Variants in PRKCQ observed in about 807,000 individuals in gnomAD.
PRKCQ encodes the protein protein kinase C theta type.
A neutral mutation model predicts 91.2 loss-of-function variants in PRKCQ; 41 were observed. That is an observed-to-expected ratio of 0.45 (90% CI 0.35 to 0.58). The LOEUF is 0.58. PRKCQ is among the 20% of genes least tolerant of loss of function. PRKCQ has a pLI of 0.00. For synonymous variants in PRKCQ, 307 were observed against 316.9 expected, an observed-to-expected ratio of 0.97 and a Z score of 0.33; for missense variants, 673 against 896.5, an observed-to-expected ratio of 0.75 and a Z score of 3.18.
At chr10:6,503,924 G>A (rs918699814) in intron 4 of PRKCQ, among the ~76,000 whole-genome samples, 1 of 152,042 alleles carries the variant, frequency 6.6e-6, no homozygotes, top group Non-Finnish European at 1.5e-5. Flanking sequence ...CTACAGGCAT[G>A]TGCCACCATA....
chr10:6,463,712 G>T (rs1462815701), intron 13 of PRKCQ, among the ~76,000 whole-genome samples: 1 of 152,210 alleles, frequency 6.6e-6, no homozygotes, highest in East Asian at 1.9e-4. Context: ...GAGCCCAGTG[G>T]CAGAGCTTTC....
chr10:6,499,738 C>T (rs1837801695), intron 4 of PRKCQ, among the ~76,000 whole-genome samples: 1 of 152,200 alleles, frequency 6.6e-6, no homozygotes, highest in Admixed American at 6.5e-5. Context: ...AATATTCAAA[C>T]TAAATTTCTT....
chr10:6,519,625 A>G (rs1171532854), intron 1 of PRKCQ, among the ~76,000 whole-genome samples: 2 of 152,156 alleles, frequency 1.3e-5, no homozygotes, highest in Admixed American at 6.5e-5. Flanking sequence ...GCAGACCCCA[A>G]GCCAGTTTCA....
intron 15 of PRKCQ, among the ~76,000 whole-genome samples, chr10:6,444,966 A>C (rs1432163798): frequency 6.6e-6 from 1 of 151,788 alleles, no homozygotes; most frequent in Non-Finnish European, 1.5e-5. Context: ...TCTACTAAAA[A>C]CACAGAAATT....
rs1452448688 is a variant in PRKCQ, at chr10:6,497,335, T to C, written c.543-84A>G. On this transcript the variant is annotated intron_variant, in intron 5 of 17. Transcript: ENST00000263125. This position sits in a 1 kb window ranked among gnomAD's most constrained non-coding sequence, Gnocchi z 4.5. ...CATTTAAGAGATGGATGAGATCTCA[T>C]AACCCCCTAAGATCACAGAGCAGTT... The C allele has an allele frequency of 6.7e-7, 1 of 1,488,860 alleles. No individual in the cohort carries two copies. Among genetic ancestry groups the C allele is most frequent in the Non-Finnish European group, 9.4e-7 (1 of 1,067,654 alleles). The allele number at this position is 1,488,860 out of a possible 1,614,324, so 92.2% of individuals were successfully genotyped here.
At chr10:6,526,032 C>T (rs567116086) in intron 1 of PRKCQ, among the ~76,000 whole-genome samples, 3 of 152,342 alleles carry the variant, frequency 2.0e-5, no homozygotes, top group South Asian at 4.1e-4. Flanking sequence ...TAAACTCCTA[C>T]GTGCATTGCA....
chr10:6,449,479 G>A (rs55830216), intron 15 of PRKCQ, among the ~76,000 whole-genome samples: 7,315 of 152,120 alleles, frequency 0.048, 247 homozygotes, highest in Non-Finnish European at 0.073. Context: ...AAAGTGACAG[G>A]GAGAATGGAA....
chr10:6,412,782 G>A, the PRKCQ span, among the ~76,000 whole-genome samples: 2 of 152,146 alleles, frequency 1.3e-5, no homozygotes, highest in African/African-American at 4.8e-5. Context: ...TGTGCACACT[G>A]GTATAGCGTA....
intron 1 of PRKCQ, among the ~76,000 whole-genome samples, chr10:6,529,498 G>C (rs959827160): frequency 2.0e-5 from 3 of 152,186 alleles, no homozygotes; most frequent in Non-Finnish European, 4.4e-5. Context: ...TGGGGCCAGG[G>C]ACTCAGGTGC....
chr10:6,396,594 A>G, the PRKCQ span, among the ~76,000 whole-genome samples: 1 of 152,210 alleles, frequency 6.6e-6, no homozygotes, highest in East Asian at 1.9e-4. Flanking sequence ...GCTGACTTAT[A>G]TTATACCATG....
intron 1 of PRKCQ, among the ~76,000 whole-genome samples, chr10:6,563,826 C>T (rs995004325): frequency 3.3e-5 from 5 of 152,202 alleles, no homozygotes; most frequent in African/African-American, 1.2e-4. Flanking sequence ...GCAGAGCCTG[C>T]CCTTGGGAGC....
At chr10:6,538,840 T>C (rs1485473930) in intron 1 of PRKCQ, among the ~76,000 whole-genome samples, 2 of 152,178 alleles carry the variant, frequency 1.3e-5, no homozygotes, top group African/African-American at 4.8e-5. Flanking sequence ...CCCAGTTCAC[T>C]GCAACCTCCA....
At chr10:6,464,439 CATTTCATTTTT>C (rs1564321167) in intron 12 of PRKCQ, 35 bp from the exon 13 acceptor site, 1 of 1,503,702 alleles carries the variant, frequency 6.7e-7, no homozygotes, top group Non-Finnish European at 9.2e-7. Context: ...ACTTTTATTT[CATTTCATTTTT>C]ATTTATTTAT....
At chr10:6,402,371 CAA>C in the PRKCQ span, among the ~76,000 whole-genome samples, 4 of 66,544 alleles carry the variant, frequency 6.0e-5, no homozygotes, top group African/African-American at 1.8e-4. Context: ...ATTTCAATGC[CAA>C]AAAAAAAAAA....
intron 1 of PRKCQ, among the ~76,000 whole-genome samples, chr10:6,557,110 T>A (rs1361985248): frequency 6.6e-6 from 1 of 152,216 alleles, no homozygotes; most frequent in Non-Finnish European, 1.5e-5. Context: ...CTCTAACAAC[T>A]TCTGCCGTGG....
intron 15 of PRKCQ, among the ~76,000 whole-genome samples, chr10:6,446,219 C>T (rs1357302222): frequency 1.3e-5 from 2 of 152,112 alleles, no homozygotes; most frequent in Non-Finnish European, 2.9e-5. Flanking sequence ...AAAGGTCTTA[C>T]TTAAAGTCTC....
At chr10:6,570,760 G>A (rs1019767978) in intron 1 of PRKCQ, among the ~76,000 whole-genome samples, 1 of 151,918 alleles carries the variant, frequency 6.6e-6, no homozygotes, top group Non-Finnish European at 1.5e-5. Flanking sequence ...TCACCGTGTT[G>A]GCCAGGATGG....
chr10:6,525,629 C>T (rs2130889121), intron 1 of PRKCQ, among the ~76,000 whole-genome samples: 1 of 152,160 alleles, frequency 6.6e-6, no homozygotes, highest in Non-Finnish European at 1.5e-5. Context: ...TCGAAGATGT[C>T]AAAAGGAAAA....
chr10:6,539,093 T>C (rs6602805), intron 1 of PRKCQ, among the ~76,000 whole-genome samples: 100 of 152,274 alleles, frequency 6.6e-4, no homozygotes, highest in African/African-American at 2.4e-3. Context: ...AAGTATTAAG[T>C]GATGGTTCTC....
Sources: gnomAD v4.1 joint callset for allele counts (sites outside exome capture counted in the v4.1 genomes callset) on GRCh38, gnomAD v4.1.1 for gene constraint, Gnocchi (gnomAD v3.1) non-coding constraint, MANE v1.5 for transcripts, NCBI Gene and HGNC (gene_info 2026-07-23, HGNC 2026-07-21) for gene names.